ATP1B3: variants seen among roughly 807,000 people sequenced by gnomAD.
ATP1B3 encodes ATPase Na+/K+ transporting subunit beta 3.
In ATP1B3, 10 loss-of-function variants were observed where a neutral mutation model predicts 30.2. The observed-to-expected ratio is 0.33, with a 90% CI of 0.20 to 0.56. The LOEUF (loss-of-function observed/expected upper bound fraction) is 0.56, where lower values mean the gene tolerates loss of function less well. ATP1B3 is among the 20% of genes least tolerant of loss of function. The pLI, the probability that ATP1B3 is intolerant of heterozygous loss-of-function variation, is 0.90. For synonymous variants in ATP1B3, 113 were observed against 117.0 expected (o/e 0.97, Z 0.22); for missense variants, 238 against 336.7 (o/e 0.71, Z 2.29).
At chr3:141,877,787 C>CT (rs963546440) in intron 1 of ATP1B3, among the ~76,000 whole-genome samples, 2 of 146,422 alleles carry the variant, frequency 1.4e-5, no homozygotes, top group African/African-American at 5.1e-5. Context: ...TTTAGGATGC[C>CT]TTTTTTTCCT....
At position 141,907,946 on chromosome 3, in the gene ATP1B3, A is replaced by AT. The variant is rs909697015; in HGVS notation, c.346+681dup. Reference sequence around the variant, plus strand: ...TGAAATAGTGTCTCTGAGGACTTGGATTTTTTTTTGCCATTTTATTTTATT... The same window carrying AT: ...TGAAATAGTGTCTCTGAGGACTTGGATTTTTTTTTTGCCATTTTATTTTATT... On this transcript the variant is annotated intron_variant, in intron 3 of 6. Transcript: ENST00000286371. Among the ~76,000 whole-genome samples, 596 of 148,616 alleles carry AT rather than the reference A, an allele frequency of 4.0e-3. 5 individuals are homozygous for AT. Among genetic ancestry groups the AT allele is most frequent in the African/African-American group, 0.012 (477 of 40,504 alleles).
intron 5 of ATP1B3, among the ~76,000 whole-genome samples, chr3:141,916,945 C>T (rs1333151635): frequency 1.3e-5 from 2 of 151,808 alleles, no homozygotes; most frequent in Non-Finnish European, 2.9e-5. Flanking sequence ...ACTGCAAGCT[C>T]CGCCTCCCGG....
rs1303420283 is a variant in ATP1B3 at position 141,926,436 on chromosome 3, AAT to A, written c.*737_*738del. 1 of 152,190 alleles carries A rather than the reference AAT, an allele frequency of 6.6e-6. No individual in the cohort carries two copies. Among genetic ancestry groups the A allele is most frequent in the Non-Finnish European group, 1.5e-5 (1 of 68,028 alleles). The allele number at this position is 152,190 out of a possible 1,614,324, so 9.4% of individuals were successfully genotyped here. A position where few individuals can be genotyped will look rare whatever the true frequency, so the allele number is the denominator to read the frequency against. ...TAAATTCATAAGACTTAATTTGTAC[AAT>A]AGTTTGTGAAATATCTTGTTACTGC... On this transcript the variant is annotated 3_prime_UTR_variant, in exon 7 of 7. Transcript: ENST00000286371.
intron 1 of ATP1B3, among the ~76,000 whole-genome samples, chr3:141,887,833 A>C (rs1055012450): frequency 6.6e-6 from 1 of 152,230 alleles, no homozygotes; most frequent in African/African-American, 2.4e-5. Flanking sequence ...ATTTATGTGA[A>C]ATTCTAAAAT....
At chr3:141,877,033 T>G in intron 1 of ATP1B3, 123 bp downstream of exon 1, 1 of 639,124 alleles carries the variant, frequency 1.6e-6, no homozygotes, top group Non-Finnish European at 2.3e-6. Flanking sequence ...CGCCCGACCC[T>G]AACCCGGGCG....
chr3:141,908,788 T>A (rs1229854813), intron 3 of ATP1B3, among the ~76,000 whole-genome samples: 1 of 152,182 alleles, frequency 6.6e-6, no homozygotes, highest in Non-Finnish European at 1.5e-5. Context: ...ACTCACTCTC[T>A]TCATATAACC....
intron 3 of ATP1B3, among the ~76,000 whole-genome samples, chr3:141,907,597 C>T (rs932478319): frequency 3.3e-5 from 5 of 151,696 alleles, no homozygotes; most frequent in Non-Finnish European, 5.9e-5. Context: ...GCCAAGTTTG[C>T]GCCATTGCAC....
rs138288851 is a variant in ATP1B3 at position 141,915,639 on chromosome 3, T to C, written c.532-331T>C. The stretch of plus-strand genomic sequence containing the variant: ...GTTCTTATTATATACATTAAATTAT[T>C]TGTTCATATAAATATTAATAATTAG... On this transcript the variant is annotated intron_variant, in intron 4 of 6. Coordinates refer to ENST00000286371, the MANE Select transcript of ATP1B3 (RefSeq NM_001679.4). Among the ~76,000 whole-genome samples, 554 of 152,306 alleles carry C rather than the reference T, an allele frequency of 3.6e-3. 3 individuals carry two copies. The highest frequency in any genetic ancestry group is 0.013 in the African/African-American group (534 of 41,568).
At chr3:141,886,069 C>T (rs1400004797) in intron 1 of ATP1B3, among the ~76,000 whole-genome samples, 1 of 152,174 alleles carries the variant, frequency 6.6e-6, no homozygotes, top group Non-Finnish European at 1.5e-5. Context: ...CAGCTTTGAT[C>T]ATATTACCTT....
intron 3 of ATP1B3, among the ~76,000 whole-genome samples, chr3:141,907,653 A>AAGAGTCCCAAGTTGTGATTACATTT (rs1487538764): frequency 1.3e-5 from 2 of 152,142 alleles, no homozygotes; most frequent in Non-Finnish European, 2.9e-5. Flanking sequence ...AAAAAAAAAA[A>AAGAGTCCCAAGTTGTGATTACATTT]AGAGTCCCAA....
At chr3:141,916,632 T>C in intron 5 of ATP1B3, 1 of 1,099,426 alleles carries the variant, frequency 9.1e-7, no homozygotes, top group Admixed American at 2.5e-5. Flanking sequence ...AATATTAACA[T>C]TTCAACTCTG....
intron 3 of ATP1B3, among the ~76,000 whole-genome samples, chr3:141,912,508 G>A (rs1576398709): frequency 6.6e-6 from 1 of 150,578 alleles, no homozygotes. Context: ...TGATCCACCC[G>A]CCTCGGCCTC....
At chr3:141,880,669 T>TA (rs1207641864) in intron 1 of ATP1B3, among the ~76,000 whole-genome samples, 4 of 152,108 alleles carry the variant, frequency 2.6e-5, no homozygotes, top group Admixed American at 6.6e-5. Flanking sequence ...ATTCTAGCTT[T>TA]AAAAAAAGTG....
intron 3 of ATP1B3, among the ~76,000 whole-genome samples, chr3:141,912,595 C>T (rs1258096523): frequency 6.6e-6 from 1 of 152,112 alleles, no homozygotes; most frequent in African/African-American, 2.4e-5. Flanking sequence ...ATACCTTTTT[C>T]TGGTACCAAT....
In ATP1B3 at chr3:141,876,903, G is replaced by A. The variant is rs766701472; in HGVS notation, c.102G>A (p.Lys34=). ...GAGAATTCCTGGGGCGCACCGCCAA[G>A]AGCTGGGGTGAGCGGGCAGCAGCTG... The part of the protein sequence containing the change: ...TTGEFLGRTA[K]SWGLILLFYL... The change falls in exon 1 of 7, where the codon AAG becomes AAA. Residue 34 remains lysine, a synonymous_variant. Transcript: ENST00000286371. The A allele has an allele frequency of 6.4e-6, 10 of 1,568,270 alleles. No homozygotes were observed. Among genetic ancestry groups the A allele is most frequent in the Admixed American group, 1.8e-5 (1 of 55,244 alleles).
At chr3:141,921,610 T>C (rs1279541891) in intron 5 of ATP1B3, 1 of 157,284 alleles carries the variant, frequency 6.4e-6, no homozygotes, top group East Asian at 1.9e-4. Flanking sequence ...CAGGAAAACA[T>C]CGGTCCTAAA....
intron 1 of ATP1B3, among the ~76,000 whole-genome samples, chr3:141,896,981 G>T (rs1358458868): frequency 3.9e-5 from 6 of 152,162 alleles, no homozygotes; most frequent in Non-Finnish European, 8.8e-5. Flanking sequence ...GCCAAGAGCA[G>T]CCTGGGTGTG....
rs1934643922 is a variant in ATP1B3, at chr3:141,925,583, A to G, written c.722A>G (p.Asn241Ser). The change falls in exon 7 of 7, where the codon AAC (asparagine) becomes AGC (serine). Residue 241 changes from asparagine to serine, a missense_variant. Asn to Ser is a conservative substitution (Grantham distance 46, BLOSUM62 1). Transcript: ENST00000286371. ...GTTCAGGTCAGCTTTGCTCCTAACAACACTGGGAAAGAAGTAACAGTTGAG... is the reference window on the plus strand; with the variant it reads ...GTTCAGGTCAGCTTTGCTCCTAACAGCACTGGGAAAGAAGTAACAGTTGAG... ...VAVQVSFAPN[N>S]TGKEVTVECK... The G allele has an allele frequency of 1.2e-6, 2 of 1,613,810 alleles. No individual in the cohort carries two copies. The highest frequency in any genetic ancestry group is 1.7e-6 in the Non-Finnish European group (2 of 1,179,864).
At chr3:141,895,565 G>A (rs575424265) in intron 1 of ATP1B3, among the ~76,000 whole-genome samples, 8 of 152,286 alleles carry the variant, frequency 5.3e-5, no homozygotes, top group South Asian at 2.1e-4. Flanking sequence ...TTGCTGAATA[G>A]TATTGCATTG....
Sources: allele counts gnomAD v4.1 joint callset (sites outside exome capture counted in the v4.1 genomes callset), GRCh38; gene constraint gnomAD v4.1.1; transcripts MANE v1.5; gene names NCBI Gene and HGNC (gene_info 2026-07-23, HGNC 2026-07-21).